CDK8: variants seen among roughly 807,000 people sequenced by gnomAD.
The protein encoded by CDK8 is cyclin dependent kinase 8, also known as cyclin-dependent kinase 8.
A neutral mutation model predicts 71.5 loss-of-function variants in CDK8; 29 were observed. That is an observed-to-expected ratio of 0.41 (90% CI 0.30 to 0.55). The LOEUF (loss-of-function observed/expected upper bound fraction) is 0.55, where lower values mean the gene tolerates loss of function less well. Among genes scored for constraint, CDK8 ranks in the 20% least tolerant of loss-of-function variants. The probability of loss-of-function intolerance (pLI) is 0.37; values close to 1 mark genes in which losing one functional copy is unlikely to be tolerated. For synonymous variants in CDK8, 161 were observed against 192.1 expected (o/e 0.84, Z 1.34); for missense variants, 288 against 572.6 (o/e 0.50, Z 5.07).
chr13:26,289,573 C>G (rs543265697), intron 1 of CDK8, among the ~76,000 whole-genome samples: 6 of 152,070 alleles, frequency 3.9e-5, no homozygotes, highest in Non-Finnish European at 7.4e-5. Flanking sequence ...TTTTTTGAGA[C>G]TGAGTCTCGC....
intron 1 of CDK8, among the ~76,000 whole-genome samples, chr13:26,313,523 G>T (rs1368403850): frequency 1.1e-4 from 16 of 152,234 alleles, no homozygotes; most frequent in Non-Finnish European, 1.5e-5. Context: ...ACAGTAAATA[G>T]TGTCTAGTAG....
chr13:26,308,197 T>C (rs1384822567), intron 1 of CDK8, among the ~76,000 whole-genome samples: 1 of 152,234 alleles, frequency 6.6e-6, no homozygotes, highest in African/African-American at 2.4e-5. Flanking sequence ...GTTCAGTCCC[T>C]CAGTCACACG....
chr13:26,400,696 T>G, intron 10 of CDK8, 146 bp downstream of exon 10: 1 of 632,334 alleles, frequency 1.6e-6, no homozygotes. Flanking sequence ...CTTTGCTGAT[T>G]AAAGTGTCAT....
At position 26,313,730 on chromosome 13, in the gene CDK8, C is replaced by T. The variant is rs1428757016; in HGVS notation, c.129-23837C>T. On this transcript the variant is annotated intron_variant, in intron 1 of 12. Coordinates refer to ENST00000381527, the MANE Select transcript of CDK8 (RefSeq NM_001260.3). The stretch of plus-strand genomic sequence containing the variant: ...ATGTCATGAAGCTGTTGATTTGAGG[C>T]GAGTGACTTGATGTAATTGTTGTGA... Among the ~76,000 whole-genome samples the T allele has an allele frequency of 2.6e-5, 4 of 151,988 alleles. No homozygotes were observed. The East Asian group carries it at 5.8e-4, about 22-fold the overall frequency.
chr13:26,393,340 C>CTTT, intron 6 of CDK8, 27 bp from the exon 7 acceptor site: 2 of 1,114,658 alleles, frequency 1.8e-6, no homozygotes, highest in South Asian at 1.8e-5. Flanking sequence ...ATTTTTCTTT[C>CTTT]TTTTTTTTTT....
chr13:26,315,691 G>A (rs1874478823), intron 1 of CDK8, among the ~76,000 whole-genome samples: 1 of 151,998 alleles, frequency 6.6e-6, no homozygotes, highest in Non-Finnish European at 1.5e-5. Context: ...TTGAAGTTGA[G>A]GCTTGCTTTC....
At chr13:26,262,217 G>C (rs1871800639) in intron 1 of CDK8, among the ~76,000 whole-genome samples, 1 of 152,212 alleles carries the variant, frequency 6.6e-6, no homozygotes, top group Non-Finnish European at 1.5e-5. Context: ...GTCATTCACT[G>C]ATATATTATG....
chr13:26,378,045 T>C (rs1008634687), intron 4 of CDK8, among the ~76,000 whole-genome samples: 4 of 152,258 alleles, frequency 2.6e-5, no homozygotes, highest in African/African-American at 9.6e-5. Flanking sequence ...CTTTTCCTGT[T>C]GACTCAAAAT....
chr13:26,343,058 C>T lies in CDK8; in HGVS notation c.204+5416C>T, dbSNP rs115186374. On this transcript the variant is annotated intron_variant, in intron 2 of 12. Coordinates refer to ENST00000381527, the MANE Select transcript of CDK8 (RefSeq NM_001260.3). Reference sequence around the variant, plus strand: ...GGACGCCAGCCAGATTAGATTAGGGCCCACTCTAAAGACCTCATTTTAACC... The same window carrying T: ...GGACGCCAGCCAGATTAGATTAGGGTCCACTCTAAAGACCTCATTTTAACC... Among the ~76,000 whole-genome samples the T allele has an allele frequency of 1.1e-3, 166 of 152,188 alleles. 1 individual carries two copies. The highest frequency in any genetic ancestry group is 3.9e-3 in the African/African-American group (162 of 41,460).
chr13:26,341,903 A>G (rs1488342815), intron 2 of CDK8, among the ~76,000 whole-genome samples: 1 of 151,986 alleles, frequency 6.6e-6, no homozygotes, highest in Non-Finnish European at 1.5e-5. Context: ...CTATTATATG[A>G]GTATCTTTAA....
Position 26,380,654 on chromosome 13 carries a change from T to A in CDK8, c.457-2160T>A, listed in dbSNP as rs543719436. 1.3e-3 allele frequency among the ~76,000 whole-genome samples: 200 copies of A among 150,494 alleles called. 1 individual carries two copies. Among genetic ancestry groups the A allele is most frequent in the Middle Eastern group, 6.9e-3 (2 of 288 alleles). ...GCCTGGCTGATTTAAAAAAAAAAAA[T>A]TTTTTTTGTTGAGGTGGGGTTCTAC... is the stretch of plus-strand genomic sequence containing the variant. On this transcript the variant is annotated intron_variant, in intron 4 of 12. Transcript: ENST00000381527.
chr13:26,301,049 G>A (rs780092626), intron 1 of CDK8, among the ~76,000 whole-genome samples: 19 of 151,964 alleles, frequency 1.3e-4, no homozygotes, highest in Non-Finnish European at 2.2e-4. Flanking sequence ...TAAATATGAG[G>A]TAATGAGTCC....
At position 26,405,180 on chromosome 13, in the gene CDK8, A is replaced by G. The variant is rs943533927; in HGVS notation, c.*1099A>G. 3 of 175,726 alleles carry G rather than the reference A, an allele frequency of 1.7e-5. No homozygotes were observed. Among genetic ancestry groups the G allele is most frequent in the African/African-American group, 7.1e-5 (3 of 42,226 alleles). 10.9% of individuals were successfully genotyped at this position (175,726 alleles called of 1,614,324 possible). On this transcript the variant is annotated 3_prime_UTR_variant, in exon 13 of 13. Coordinates refer to ENST00000381527, the MANE Select transcript of CDK8 (RefSeq NM_001260.3). ...GACACAAGTATTCTGAATAAAAAAT[A>G]ATTGAACATTGTTAAAAACAAGGTG...
At chr13:26,267,329 T>A (rs117693903) in intron 1 of CDK8, among the ~76,000 whole-genome samples, 1,598 of 152,322 alleles carry the variant, frequency 0.01, 13 homozygotes, top group Non-Finnish European at 0.016. Context: ...CTATATTTCA[T>A]TATGAAATAA....
chr13:26,338,609 AG>A (rs1873086641), intron 2 of CDK8, among the ~76,000 whole-genome samples: 1 of 152,170 alleles, frequency 6.6e-6, no homozygotes, highest in African/African-American at 2.4e-5. Flanking sequence ...AATAGGGGTG[AG>A]ATGGAGGATA....
At chr13:26,359,281 G>A (rs1874029975) in intron 4 of CDK8, among the ~76,000 whole-genome samples, 1 of 98,022 alleles carries the variant, frequency 1.0e-5, no homozygotes, top group South Asian at 3.4e-4. Context: ...GTTTGGAGAT[G>A]TACGGTGGTT....
At chr13:26,288,979 T>G (rs1873162126) in intron 1 of CDK8, among the ~76,000 whole-genome samples, 1 of 151,518 alleles carries the variant, frequency 6.6e-6, no homozygotes, top group Admixed American at 6.6e-5. Context: ...CCTCAGATGA[T>G]CCTCCCACCT....
intron 1 of CDK8, among the ~76,000 whole-genome samples, chr13:26,281,721 C>A (rs1872759125): frequency 8.1e-6 from 1 of 124,102 alleles, no homozygotes. Context: ...AGGTGAAAAC[C>A]AACTTAAAGA....
At chr13:26,356,702 A>G (rs1873912465) in intron 4 of CDK8, among the ~76,000 whole-genome samples, 3 of 152,160 alleles carry the variant, frequency 2.0e-5, no homozygotes, top group South Asian at 4.1e-4. Flanking sequence ...TATGATTCTA[A>G]TGTATGTAGT....
Sources: gnomAD v4.1 joint callset for allele counts (sites outside exome capture counted in the v4.1 genomes callset) on GRCh38, gnomAD v4.1.1 for gene constraint, MANE v1.5 for transcripts, NCBI Gene and HGNC (gene_info 2026-07-23, HGNC 2026-07-21) for gene names.